SHOC1: variants seen among roughly 807,000 people sequenced by gnomAD.
SHOC1 encodes shortage in chiasmata 1.
A neutral mutation model predicts 179.2 loss-of-function variants in SHOC1; 136 were observed. The ratio of observed to expected loss-of-function variants is 0.76; its 90% CI spans 0.66 to 0.87. The LOEUF is 0.87. SHOC1 is among the 40% of genes least tolerant of loss of function. The pLI is 0.00. For missense variants in SHOC1, 1,538 were observed against 1,700.8 expected (o/e 0.90, Z 1.68); for synonymous variants, 489 against 586.6 (o/e 0.83, Z 2.41).
chr9:111,788,194 C>A (rs1471057475), intron 2 of SHOC1, among the ~76,000 whole-genome samples: 1 of 147,992 alleles, frequency 6.8e-6, no homozygotes, highest in Non-Finnish European at 1.5e-5. Context: ...GATGACACAG[C>A]GAGACTCCAT....
At chr9:111,709,501 T>A (rs4979040) in intron 18 of SHOC1, among the ~76,000 whole-genome samples, 128,188 of 151,976 alleles carry the variant, frequency 0.84, 54,681 homozygotes, top group African/African-American at 0.96. Context: ...GGCAGAAAAA[T>A]AAAAGCCTTG....
At chr9:111,778,801 A>G (rs895347580) in intron 4 of SHOC1, among the ~76,000 whole-genome samples, 1 of 145,750 alleles carries the variant, frequency 6.9e-6, no homozygotes, top group Non-Finnish European at 1.5e-5. Context: ...AGAGACAGAG[A>G]GAGAGAGAAA....
chr9:111,694,205 C>G (rs752199784), intron 25 of SHOC1, 26 bp downstream of exon 25: 3 of 1,557,846 alleles, frequency 1.9e-6, no homozygotes, highest in Non-Finnish European at 2.6e-6. Context: ...TTGCAATTAT[C>G]TATTTTACAC....
chr9:111,708,671 T>C (rs1029759976), intron 18 of SHOC1, among the ~76,000 whole-genome samples: 3 of 152,220 alleles, frequency 2.0e-5, no homozygotes, highest in African/African-American at 7.2e-5. Context: ...TTATTCTCTT[T>C]CTACTGAGTA....
intron 18 of SHOC1, 59 bp downstream of exon 18, chr9:111,713,041 T>C: frequency 9.4e-7 from 1 of 1,058,834 alleles, no homozygotes; most frequent in Non-Finnish European, 1.4e-6. Context: ...GTTAGATCAA[T>C]ACACTTTTAT....
chr9:111,691,241 A>G (rs1831408557), intron 27 of SHOC1, among the ~76,000 whole-genome samples: 11 of 152,176 alleles, frequency 7.2e-5, no homozygotes, highest in Admixed American at 7.2e-4. Flanking sequence ...CAAAGAGGTT[A>G]ATTTTCTAAT....
chr9:111,787,051 C>T (rs1337178831), intron 2 of SHOC1, among the ~76,000 whole-genome samples: 1 of 152,008 alleles, frequency 6.6e-6, no homozygotes, highest in African/African-American at 2.4e-5. Context: ...CATGGTTTAC[C>T]GAATATTTTA....
chr9:111,761,732 C>T (rs949470620), intron 5 of SHOC1, among the ~76,000 whole-genome samples: 1 of 151,888 alleles, frequency 6.6e-6, no homozygotes, highest in Admixed American at 6.6e-5. Context: ...AATCATTTCA[C>T]AAAACAAAAA....
At position 111,711,066 on chromosome 9, in the gene SHOC1, C is replaced by A. The variant is rs118176322; in HGVS notation, c.2488+2034G>T. Among the ~76,000 whole-genome samples the A allele has an allele frequency of 1.8e-4, 28 of 152,182 alleles. 2 individuals carry two copies. In the East Asian group the frequency reaches 5.4e-3, roughly 29 times the overall value. On this transcript the variant is annotated intron_variant, in intron 18 of 27. Coordinates refer to ENST00000682961, the MANE Select transcript of SHOC1 (RefSeq NM_001378211.1). ...TTGGGCTAGGAAATAACTGATGGAA[C>A]AAAGTGCTTGAGACTGCAGGAGGAG...
At chr9:111,694,902 T>C (rs1831620279) in intron 24 of SHOC1, among the ~76,000 whole-genome samples, 2 of 152,140 alleles carry the variant, frequency 1.3e-5, no homozygotes, top group African/African-American at 4.8e-5. Flanking sequence ...TCATCTAATA[T>C]TGGCTTACTG....
At chr9:111,691,409 A>T in intron 27 of SHOC1, 142 bp downstream of exon 27, 1 of 705,402 alleles carries the variant, frequency 1.4e-6, no homozygotes, top group Non-Finnish European at 2.3e-6. Context: ...TTTAGAGTTT[A>T]GATTTTCTCT....
intron 23 of SHOC1, among the ~76,000 whole-genome samples, chr9:111,701,904 C>T (rs1043934256): frequency 9.2e-5 from 14 of 151,992 alleles, no homozygotes; most frequent in African/African-American, 3.4e-4. Context: ...AGGGGGATGG[C>T]TTTCACAGAA....
chr9:111,720,581 T>C lies in SHOC1; in HGVS notation c.2131+1828A>G, dbSNP rs566738795. ...TCTCCTCTCTTTTGAGAATGCTAAT[T>C]ACAGTATGTTAGGCTACTTTAAGTT... On this transcript the variant is annotated intron_variant, in intron 15 of 27. Transcript: ENST00000682961. 2.0e-5 allele frequency among the ~76,000 whole-genome samples: 3 copies of C among 152,334 alleles called. No homozygotes were observed. In the East Asian group the frequency reaches 5.8e-4, roughly 29 times the overall value.
At chr9:111,786,917 T>C (rs565159791) in intron 2 of SHOC1, among the ~76,000 whole-genome samples, 2 of 152,336 alleles carry the variant, frequency 1.3e-5, no homozygotes, top group South Asian at 2.1e-4. Flanking sequence ...TGATTTTAAG[T>C]TGAAGCTAAT....
intron 27 of SHOC1, among the ~76,000 whole-genome samples, chr9:111,687,686 T>C (rs1589364617): frequency 2.0e-5 from 3 of 152,332 alleles, no homozygotes; most frequent in Admixed American, 1.3e-4. Flanking sequence ...TATTGCCTGG[T>C]TTCCGTGTAC....
chr9:111,694,035 A>C, intron 25 of SHOC1, 87 bp from the exon 26 acceptor site: 1 of 1,193,082 alleles, frequency 8.4e-7, no homozygotes, highest in Non-Finnish European at 1.1e-6. Flanking sequence ...TCTTCCTAGA[A>C]AAGAGTTTAA....
chr9:111,751,490 T>A (rs1407186884), intron 8 of SHOC1, among the ~76,000 whole-genome samples: 1 of 152,194 alleles, frequency 6.6e-6, no homozygotes, highest in African/African-American at 2.4e-5. Flanking sequence ...GCATTATCAT[T>A]AATTTTATAA....
intron 18 of SHOC1, among the ~76,000 whole-genome samples, chr9:111,708,664 T>G (rs144334819): frequency 1.1e-3 from 163 of 152,348 alleles, no homozygotes; most frequent in African/African-American, 3.8e-3. Flanking sequence ...AATGCCTTTA[T>G]TCTCTTTCTA....
intron 3 of SHOC1, among the ~76,000 whole-genome samples, chr9:111,781,655 A>T (rs1836050869): frequency 6.6e-6 from 1 of 152,088 alleles, no homozygotes; most frequent in South Asian, 2.1e-4. Context: ...CCTGGGAAAC[A>T]GAGGCTGCAG....
Sources: allele counts gnomAD v4.1 joint callset (sites outside exome capture counted in the v4.1 genomes callset), GRCh38; gene constraint gnomAD v4.1.1; transcripts MANE v1.5; gene names NCBI Gene and HGNC (gene_info 2026-07-23, HGNC 2026-07-21).